Variants in USP13 observed in about 807,000 individuals in gnomAD.
The protein encoded by USP13 is ubiquitin specific peptidase 13.
In USP13, 68 loss-of-function variants were observed where a neutral mutation model predicts 107.8. The observed-to-expected ratio is 0.63, with a 90% CI of 0.52 to 0.77. The LOEUF is 0.77. Among genes scored for constraint, USP13 ranks in the 30% least tolerant of loss-of-function variants. The pLI is 0.00. For synonymous variants in USP13, 377 were observed against 389.5 expected, an observed-to-expected ratio of 0.97 and a Z score of 0.38; for missense variants, 945 against 1,093.3, an observed-to-expected ratio of 0.86 and a Z score of 1.91.
chr3:179,786,052 G>C lies in USP13; in HGVS notation c.*1911G>C, dbSNP rs545674167. 168 of 152,282 alleles carry C rather than the reference G, an allele frequency of 1.1e-3. 2 individuals are homozygous for C. The highest frequency in any genetic ancestry group is 3.8e-3 in the African/African-American group (156 of 41,540). 9.4% of individuals were successfully genotyped at this position (152,282 alleles called of 1,614,324 possible). ...AACAAATGAGATTGGCAGAAGGAGG[G>C]AGCTCACGGTGCAGTACTTTTCTAC... On this transcript the variant is annotated 3_prime_UTR_variant, in exon 21 of 21. Transcript: ENST00000263966.
At chr3:179,731,034 A>C (rs1713785019) in intron 10 of USP13, among the ~76,000 whole-genome samples, 1 of 152,226 alleles carries the variant, frequency 6.6e-6, no homozygotes, top group African/African-American at 2.4e-5. Context: ...CTTTGGTAAC[A>C]CAGTCTCGGC....
At chr3:179,739,631 C>A (rs540450784) in intron 10 of USP13, among the ~76,000 whole-genome samples, 1 of 150,346 alleles carries the variant, frequency 6.7e-6, no homozygotes, top group East Asian at 2.0e-4. Flanking sequence ...GATCTCGGCT[C>A]ACTGCAACCT....
chr3:179,721,685 C>A lies in USP13; in HGVS notation c.1088+96C>A. On this transcript the variant is annotated intron_variant, in intron 8 of 20. Coordinates refer to ENST00000263966, the MANE Select transcript of USP13 (RefSeq NM_003940.3). The surrounding 1 kb of genome is among the most constrained non-coding windows in gnomAD (Gnocchi z 4.3). ...TGCGCTGCGAAGCCCATCTTTATTG[C>A]TTCAGGACATTTTGCCACCTTTTCT... 1 of 1,342,058 alleles carries A rather than the reference C, an allele frequency of 7.5e-7. No homozygotes were observed. The highest frequency in any genetic ancestry group is 1.0e-6 in the Non-Finnish European group (1 of 992,100). The allele number at this position is 1,342,058 out of a possible 1,614,324, so 83.1% of individuals were successfully genotyped here.
chr3:179,741,191 TTTTGTTTG>T (rs759413942), intron 11 of USP13, among the ~76,000 whole-genome samples: 7 of 151,996 alleles, frequency 4.6e-5, no homozygotes, highest in South Asian at 2.1e-4. Flanking sequence ...AGCCAGTGTT[TTTTGTTTG>T]TTTGTTTGTT....
At chr3:179,730,799 A>C (rs1713777945) in intron 10 of USP13, 90 bp downstream of exon 10, 2 of 1,185,644 alleles carry the variant, frequency 1.7e-6, no homozygotes, top group Non-Finnish European at 2.5e-6. Flanking sequence ...TGGTGGCCAT[A>C]AATTTAGCAA....
intron 2 of USP13, among the ~76,000 whole-genome samples, chr3:179,686,910 C>T (rs898005146): frequency 6.6e-6 from 1 of 152,222 alleles, no homozygotes; most frequent in Non-Finnish European, 1.5e-5. Flanking sequence ...TCCGCTTATC[C>T]TTTCTCAGTT....
At chr3:179,767,413 T>C (rs996930735) in intron 19 of USP13, among the ~76,000 whole-genome samples, 1 of 151,376 alleles carries the variant, frequency 6.6e-6, no homozygotes, top group Non-Finnish European at 1.5e-5. Flanking sequence ...TGTAATGCAT[T>C]GTTAGTTTTT....
chr3:179,735,084 C>G (rs1167391737), intron 10 of USP13, among the ~76,000 whole-genome samples: 1 of 152,186 alleles, frequency 6.6e-6, no homozygotes, highest in Non-Finnish European at 1.5e-5. Flanking sequence ...AGTACAGTAT[C>G]TTATTAATAT....
At position 179,742,280 on chromosome 3, in the gene USP13, A is replaced by G. The variant is rs777741616; in HGVS notation, c.1464A>G (p.Lys488=). ...GCATTCAGTGCTGTCAGACCCGGAA[A>G]GTCCGCTACACGGAGAGGGTGGATT... ...EERIQCCQTR[K]VRYTERVDYL... is the part of the protein sequence containing the mutation. The change falls in exon 12 of 21, where the codon AAA becomes AAG. Residue 488 remains lysine (K), a synonymous_variant. Transcript: ENST00000263966. This position sits in a 1 kb window ranked among gnomAD's most constrained non-coding sequence, Gnocchi z 5.0. 2.5e-6 allele frequency: 4 copies of G among 1,614,222 alleles called. No individual in the cohort carries two copies. The highest frequency in any genetic ancestry group is 3.4e-6 in the Non-Finnish European group (4 of 1,180,042).
In USP13 at chr3:179,764,166, A is replaced by G. The variant is rs1384775048; in HGVS notation, c.2257A>G (p.Thr753Ala). ...RNQAIQALRA[T>A]NNNLERALDW... ...TCAGGCTATTCAGGCACTACGAGCA[A>G]CGGTGAGCATGAGAGACTGTGTGTG... Residue 753 changes from threonine (T) to alanine (A), a missense_variant and splice_region_variant, in exon 18 of 21, where the codon ACG becomes GCG. By Grantham distance (58) the Thr-to-Ala change is moderately conservative. Coordinates refer to ENST00000263966, the MANE Select transcript of USP13 (RefSeq NM_003940.3). The G allele has an allele frequency of 6.2e-7, 1 of 1,603,100 alleles. No homozygotes were observed. Among genetic ancestry groups the G allele is most frequent in the African/African-American group, 1.4e-5 (1 of 71,002 alleles).
chr3:179,763,968 AAG>A (rs1491375934), intron 17 of USP13, 32 bp from the exon 18 acceptor site: 22 of 1,551,008 alleles, frequency 1.4e-5, no homozygotes, highest in Admixed American at 9.0e-5. Flanking sequence ...AAAAAAAAAA[AAG>A]GAAAAGACTT....
chr3:179,653,455 G>A lies in USP13; in HGVS notation c.168+62G>A. 2.0e-6 allele frequency: 3 copies of A among 1,522,716 alleles called. No individual in the cohort carries two copies. The highest frequency in any genetic ancestry group is 5.1e-5 in the East Asian group (2 of 39,318). The allele number at this position is 1,522,716 out of a possible 1,614,324, so 94.3% of individuals were successfully genotyped here. On this transcript the variant is annotated intron_variant, in intron 1 of 20. Transcript: ENST00000263966. This position sits in a 1 kb window ranked among gnomAD's most constrained non-coding sequence, Gnocchi z 4.0. ...GCGGCCTGCGGCACGTGAAGCCGGG[G>A]GAGAAGATGCGCAGTGGCGGCCGGG...
chr3:179,786,793 A>G lies in USP13; in HGVS notation c.*2652A>G, dbSNP rs1715925789. ...GTCAACTCATTATCAGTCTGTTAGC[A>G]GTCCTCTATGTGAGGCATGGTGGTC... On this transcript the variant is annotated 3_prime_UTR_variant, in exon 21 of 21. Coordinates refer to ENST00000263966, the MANE Select transcript of USP13 (RefSeq NM_003940.3). 1 of 152,266 alleles carries G rather than the reference A, an allele frequency of 6.6e-6. No homozygotes were observed. Among genetic ancestry groups the G allele is most frequent in the Non-Finnish European group, 1.5e-5 (1 of 68,042 alleles). The allele number at this position is 152,266 out of a possible 1,614,324, so 9.4% of individuals were successfully genotyped here.
Position 179,653,152 on chromosome 3 carries a change from G to A in USP13, c.-74G>A, listed in dbSNP as rs922587589. 58 of 1,057,580 alleles carry A rather than the reference G, an allele frequency of 5.5e-5. No homozygotes were observed. Among genetic ancestry groups the A allele is most frequent in the Non-Finnish European group, 6.6e-5 (58 of 877,424 alleles). The allele number at this position is 1,057,580 out of a possible 1,614,324, so 65.5% of individuals were successfully genotyped here. A position where few individuals can be genotyped will look rare whatever the true frequency, so the allele number is the denominator to read the frequency against. ...CAGCCCGCCCGTCAGCCCGCTCGCTGGCGCCGCCGCCGCCGGCAGACCCCG... is the reference window on the plus strand; with the variant it reads ...CAGCCCGCCCGTCAGCCCGCTCGCTAGCGCCGCCGCCGCCGGCAGACCCCG... On this transcript the variant is annotated 5_prime_UTR_variant, in exon 1 of 21. Coordinates refer to ENST00000263966, the MANE Select transcript of USP13 (RefSeq NM_003940.3). This position sits in a 1 kb window ranked among gnomAD's most constrained non-coding sequence, Gnocchi z 4.0.
chr3:179,682,454 T>C (rs1711696463), intron 2 of USP13, among the ~76,000 whole-genome samples: 1 of 152,214 alleles, frequency 6.6e-6, no homozygotes. Flanking sequence ...TTGAACTTTT[T>C]CTGTGTCATG....
At chr3:179,769,229 A>G (rs1715273023) in intron 19 of USP13, among the ~76,000 whole-genome samples, 1 of 152,194 alleles carries the variant, frequency 6.6e-6, no homozygotes, top group African/African-American at 2.4e-5. Flanking sequence ...GTGTACATGT[A>G]TATACATCTA....
intron 13 of USP13, among the ~76,000 whole-genome samples, chr3:179,745,666 C>CA (rs1286872918): frequency 6.6e-6 from 1 of 151,918 alleles, no homozygotes; most frequent in Non-Finnish European, 1.5e-5. Context: ...GAAGAAATTA[C>CA]AAAAATGCTG....
At chr3:179,782,564 C>T (rs993890675) in intron 20 of USP13, among the ~76,000 whole-genome samples, 3 of 152,082 alleles carry the variant, frequency 2.0e-5, no homozygotes, top group African/African-American at 7.2e-5. Context: ...TGTGGGTTGG[C>T]ACTTCTGCTT....
At chr3:179,770,403 C>T (rs1418242143) in intron 19 of USP13, among the ~76,000 whole-genome samples, 3 of 152,114 alleles carry the variant, frequency 2.0e-5, no homozygotes, top group Non-Finnish European at 4.4e-5. Flanking sequence ...AAATTTTCCC[C>T]ATTGTATATT....
Sources: gnomAD v4.1 joint callset for allele counts (sites outside exome capture counted in the v4.1 genomes callset) on GRCh38, gnomAD v4.1.1 for gene constraint, Gnocchi (gnomAD v3.1) non-coding constraint, MANE v1.5 for transcripts, NCBI Gene and HGNC (gene_info 2026-07-23, HGNC 2026-07-21) for gene names.